Variants in C1orf162 observed in about 807,000 individuals in gnomAD.
C1orf162 encodes the protein chromosome 1 open reading frame 162.
In C1orf162, 10 loss-of-function variants were observed where a neutral mutation model predicts 11.4. The observed-to-expected ratio is 0.88, with a 90% CI of 0.54 to 1.48. C1orf162 has a LOEUF of 1.48. Ranked by LOEUF, C1orf162 falls within the 40% of genes most tolerant of loss-of-function variation. The pLI is 0.00. For missense variants in C1orf162, 140 were observed against 149.5 expected (o/e 0.94, Z 0.33); for synonymous variants, 53 against 55.0 (o/e 0.96, Z 0.16).
At chr1:111,476,426 T>C (rs1653991940) in intron 2 of C1orf162, among the ~76,000 whole-genome samples, 1 of 152,188 alleles carries the variant, frequency 6.6e-6, no homozygotes, top group African/African-American at 2.4e-5. Flanking sequence ...CAAGGTCAAA[T>C]TCCCCAAGGA....
At chr1:111,477,495 G>C in intron 4 of C1orf162, 67 bp downstream of exon 4, 1 of 1,524,892 alleles carries the variant, frequency 6.6e-7, no homozygotes, top group Non-Finnish European at 9.1e-7. Flanking sequence ...TTAGCTATGA[G>C]TGAGTAATGG....
rs1022352043 is a variant in C1orf162, at chr1:111,477,580, CT to C, written c.203-144del. 42 of 1,500,454 alleles carry C rather than the reference CT, an allele frequency of 2.8e-5. 1 individual carries two copies. In the African/African-American group the frequency reaches 5.3e-4, roughly 19 times the overall value. 92.9% of individuals were successfully genotyped at this position (1,500,454 alleles called of 1,614,324 possible). A position where few individuals can be genotyped will look rare whatever the true frequency, so the allele number is the denominator to read the frequency against. ...GTCTGCAGACTGAAGATTCAAATCCCTTCATTTTTCTTCCGCCCTGCCCCCC... is the reference window on the plus strand; with the variant it reads ...GTCTGCAGACTGAAGATTCAAATCCCTCATTTTTCTTCCGCCCTGCCCCCC... On this transcript the variant is annotated intron_variant, in intron 4 of 5. Transcript: ENST00000369718.
chr1:111,477,659 G>C, intron 4 of C1orf162, 67 bp from the exon 5 acceptor site: 1 of 1,613,444 alleles, frequency 6.2e-7, no homozygotes, highest in Non-Finnish European at 8.5e-7. Flanking sequence ...AGATCGAAGG[G>C]AGAGGCTTCC....
Position 111,473,988 on chromosome 1 carries a change from T to G in C1orf162, c.-54T>G, listed in dbSNP as rs1653914729. 1 of 152,218 alleles carries G rather than the reference T, an allele frequency of 6.6e-6. No individual in the cohort carries two copies. Among genetic ancestry groups the G allele is most frequent in the African/African-American group, 2.4e-5 (1 of 41,454 alleles). 9.4% of individuals were successfully genotyped at this position (152,218 alleles called of 1,614,324 possible). The stretch of plus-strand genomic sequence containing the variant: ...ACGGAAGCAAGTGAAATGCTCAGTC[T>G]TAGACGACTGCGTCGTGCTATGACC... On this transcript the variant is annotated 5_prime_UTR_variant, in exon 1 of 6. Transcript: ENST00000369718.
intron 4 of C1orf162, 112 bp from the exon 5 acceptor site, chr1:111,477,614 T>G: frequency 1.5e-6 from 2 of 1,310,040 alleles, no homozygotes; most frequent in South Asian, 1.3e-5. Flanking sequence ...CCCACCCACC[T>G]GCCAACACCT....
At chr1:111,475,492 G>A (rs11576988) in intron 1 of C1orf162, 1 of 158,552 alleles carries the variant, frequency 6.3e-6, no homozygotes, top group African/African-American at 2.4e-5. Flanking sequence ...GTCTCCAAGA[G>A]CAAGTTTGTC....
At chr1:111,477,653 C>T (rs557937079) in intron 4 of C1orf162, 73 bp from the exon 5 acceptor site, 6 of 1,492,812 alleles carry the variant, frequency 4.0e-6, no homozygotes, top group Middle Eastern at 1.8e-4. Context: ...CACCCAAGAT[C>T]GAAGGGAGAG....
chr1:111,477,278 A>T, intron 3 of C1orf162, 56 bp from the exon 4 acceptor site: 1 of 1,448,096 alleles, frequency 6.9e-7, no homozygotes, highest in Non-Finnish European at 9.7e-7. Flanking sequence ...TTCACTCTTT[A>T]GGAAAGGCCT....
intron 4 of C1orf162, 104 bp from the exon 5 acceptor site, chr1:111,477,622 C>A: frequency 6.3e-7 from 1 of 1,594,622 alleles, no homozygotes; most frequent in Non-Finnish European, 8.6e-7. Context: ...CCTGCCAACA[C>A]CTCCTCCCCA....
At chr1:111,476,759 A>C (rs1654003562) in intron 2 of C1orf162, 39 bp from the exon 3 acceptor site, 1 of 1,599,942 alleles carries the variant, frequency 6.3e-7, no homozygotes, top group African/African-American at 1.3e-5. Flanking sequence ...TATCATGAAA[A>C]GTGACAGATA....
chr1:111,478,407 A>G lies in C1orf162; in HGVS notation c.*284A>G, dbSNP rs1054680. On this transcript the variant is annotated 3_prime_UTR_variant, in exon 6 of 6. Coordinates refer to ENST00000369718, the MANE Select transcript of C1orf162 (RefSeq NM_001300834.2). Reference sequence around the variant, plus strand: ...TGGACCCTTCCAAAGTGTGTGGTACAGAGCTCAGTGCACAGAGTATTCACC... The same window carrying G: ...TGGACCCTTCCAAAGTGTGTGGTACGGAGCTCAGTGCACAGAGTATTCACC... The G allele has an allele frequency of 0.38, 181,584 of 475,338 alleles. 36,767 individuals carry two copies. The highest frequency in any genetic ancestry group is 0.59 in the African/African-American group (30,618 of 51,560). 29.4% of individuals were successfully genotyped at this position (475,338 alleles called of 1,614,324 possible). A position where few individuals can be genotyped will look rare whatever the true frequency, so the allele number is the denominator to read the frequency against.
rs767760986 is a variant in C1orf162 at position 111,476,869 on chromosome 1, T to G, written c.107+2T>G. On this transcript the variant is annotated splice_donor_variant, in intron 3 of 5. Transcript: ENST00000369718. LOFTEE classifies it high-confidence loss of function. The stretch of plus-strand genomic sequence containing the variant: ...ACCCTGTCTCTCTAACCACCACAAG[T>G]AAATGAGCATTCTCCTATCTGTTTC... The G allele has an allele frequency of 3.1e-6, 5 of 1,612,762 alleles. No homozygotes were observed. In the African/African-American group the frequency reaches 5.3e-5, roughly 17 times the overall value.
chr1:111,477,133 G>A, intron 3 of C1orf162: 1 of 637,466 alleles, frequency 1.6e-6, no homozygotes, highest in African/African-American at 1.8e-5. Context: ...GGGAGGGGGA[G>A]AGGAAGAGGC....
In C1orf162 at chr1:111,477,350, CT is replaced by C. The variant is rs1654024663; in HGVS notation, c.126del (p.Ala43ProfsTer8). 2.5e-6 allele frequency: 4 copies of C among 1,613,880 alleles called. No homozygotes were observed. Among genetic ancestry groups the C allele is most frequent in the Non-Finnish European group, 3.4e-6 (4 of 1,179,918 alleles). On this transcript the variant is annotated frameshift_variant, in exon 4 of 6. Transcript: ENST00000369718. LOFTEE classifies it high-confidence loss of function. ...CCAAAACAGCAAAAAACATTTAATC[CT>C]TGCCTTTTGTGCTGGGGTTCTACTG... Reference protein sequence around the residue: ...SNHHNKKHLILAFCAGVLLTL... With the variant: ...SNHHNKKHLIXAFCAGVLLTL...
In C1orf162 at chr1:111,478,081, C is replaced by T. The variant is rs1289222920; in HGVS notation, c.351C>T (p.Asp117=). Residue 117 remains aspartate (D), a synonymous_variant, in exon 6 of 6, where the codon GAC becomes GAT. Coordinates refer to ENST00000369718, the MANE Select transcript of C1orf162 (RefSeq NM_001300834.2). Reference sequence around the variant, plus strand: ...ACTTGGCTGAGAACCATTCTGCAGACTTTGACCCCATTGTCTATGCTCAAA... The same window carrying T: ...ACTTGGCTGAGAACCATTCTGCAGATTTTGACCCCATTGTCTATGCTCAAA... ...SNHLAENHSA[D]FDPIVYAQIK... The T allele has an allele frequency of 3.1e-6, 5 of 1,614,080 alleles. No homozygotes were observed. The Middle Eastern group carries it at 4.9e-4, about 159-fold the overall frequency.
chr1:111,474,473 C>T (rs1468545032), intron 1 of C1orf162: 1 of 152,160 alleles, frequency 6.6e-6, no homozygotes, highest in African/African-American at 2.4e-5. Context: ...TTACAGAAAC[C>T]TATGATCCTA....
rs573877136 is a variant in C1orf162, at chr1:111,478,380, C to T, written c.*257C>T. ...CCCCTTGGGGGCATAGACTGCCTTCCTTGGACCCTTCCAAAGTGTGTGGTA... is the reference window on the plus strand; with the variant it reads ...CCCCTTGGGGGCATAGACTGCCTTCTTTGGACCCTTCCAAAGTGTGTGGTA... On this transcript the variant is annotated 3_prime_UTR_variant, in exon 6 of 6. Transcript: ENST00000369718. The T allele has an allele frequency of 2.6e-5, 14 of 540,950 alleles. No individual in the cohort carries two copies. In the African/African-American group the frequency reaches 2.7e-4, roughly 10 times the overall value. 33.5% of individuals were successfully genotyped at this position (540,950 alleles called of 1,614,324 possible).
chr1:111,476,958 G>A lies in C1orf162; in HGVS notation c.107+91G>A, dbSNP rs1048188668. 1.2e-5 allele frequency: 17 copies of A among 1,361,636 alleles called. No homozygotes were observed. In the African/African-American group the frequency reaches 2.3e-4, roughly 18 times the overall value. The allele number at this position is 1,361,636 out of a possible 1,614,324, so 84.3% of individuals were successfully genotyped here. On this transcript the variant is annotated intron_variant, in intron 3 of 5. Coordinates refer to ENST00000369718, the MANE Select transcript of C1orf162 (RefSeq NM_001300834.2). ...CTCGGCTTGGGGATTTGGGCAGGGA[G>A]ACTGGGGAGAAAGGACTAGAAACAG...
chr1:111,476,968 A>G, intron 3 of C1orf162, 101 bp downstream of exon 3: 2 of 1,246,722 alleles, frequency 1.6e-6, no homozygotes, highest in Non-Finnish European at 2.4e-6. Flanking sequence ...GACTGGGGAG[A>G]AAGGACTAGA....
Sources: gnomAD v4.1 joint callset for allele counts (sites outside exome capture counted in the v4.1 genomes callset) on GRCh38, gnomAD v4.1.1 for gene constraint, MANE v1.5 for transcripts, NCBI Gene and HGNC (gene_info 2026-07-23, HGNC 2026-07-21) for gene names.